NRXN1: variants seen among roughly 807,000 people sequenced by gnomAD.
NRXN1 encodes neurexin 1.
A neutral mutation model predicts 150.9 loss-of-function variants in NRXN1; 39 were observed. That is an observed-to-expected ratio of 0.26 (90% CI 0.20 to 0.34). The LOEUF (loss-of-function observed/expected upper bound fraction) is 0.34, where lower values mean the gene tolerates loss of function less well. Ranked by LOEUF, NRXN1 falls within the 10% of genes least tolerant of loss-of-function variation. The probability of loss-of-function intolerance (pLI) is 1.00; values close to 1 mark genes in which losing one functional copy is unlikely to be tolerated. For missense variants in NRXN1, 1,815 were observed against 1,949.9 expected (o/e 0.93, Z 1.30); for synonymous variants, 924 against 757.0 (o/e 1.22, Z -3.62).
intron 12 of NRXN1, among the ~76,000 whole-genome samples, chr2:50,510,807 C>T (rs565650204): frequency 1.9e-4 from 29 of 152,182 alleles, no homozygotes; most frequent in African/African-American, 6.5e-4. Context: ...AAATGATCTG[C>T]AAGTAGTGTA....
At position 50,793,983 on chromosome 2, in the gene NRXN1, T is replaced by C. The variant is rs193275648; in HGVS notation, c.832+127886A>G. Among the ~76,000 whole-genome samples, 5 of 152,128 alleles carry C rather than the reference T, an allele frequency of 3.3e-5. No individual in the cohort carries two copies. In the East Asian group the frequency reaches 9.7e-4, roughly 29 times the overall value. ...TGTAGACATTTTTGTTTGTTACAAG[T>C]GGAGTGGTGGTTGCTTTGGGTATCT... On this transcript the variant is annotated intron_variant, in intron 5 of 22. Coordinates refer to ENST00000401669, the MANE Select transcript of NRXN1 (RefSeq NM_001330078.2).
At chr2:50,455,790 T>C (rs984015112) in intron 17 of NRXN1, among the ~76,000 whole-genome samples, 6 of 152,280 alleles carry the variant, frequency 3.9e-5, no homozygotes, top group African/African-American at 1.2e-4. Flanking sequence ...ATTGGATTCC[T>C]TGAAGCTGGG....
At chr2:50,244,171 A>G (rs2066290145) in intron 17 of NRXN1, among the ~76,000 whole-genome samples, 1 of 151,944 alleles carries the variant, frequency 6.6e-6, no homozygotes, top group South Asian at 2.1e-4. Context: ...TTATAAAAAG[A>G]GTATGGTACA....
intron 21 of NRXN1, among the ~76,000 whole-genome samples, chr2:50,047,268 A>G (rs889348649): frequency 7.2e-5 from 11 of 151,974 alleles, no homozygotes; most frequent in African/African-American, 2.7e-4. Flanking sequence ...CTCCTTTTTG[A>G]GGAGGAATAA....
At chr2:51,027,416 A>G in intron 2 of NRXN1, 86 bp downstream of exon 2, 1 of 1,350,982 alleles carries the variant, frequency 7.4e-7, no homozygotes, top group Non-Finnish European at 9.6e-7. Context: ...TGCCAAGATT[A>G]GGAAGACCCC....
intron 21 of NRXN1, among the ~76,000 whole-genome samples, chr2:50,042,119 C>T (rs1691072178): frequency 6.6e-6 from 1 of 152,186 alleles, no homozygotes; most frequent in African/African-American, 2.4e-5. Flanking sequence ...TGTCTTTATA[C>T]TGCATAAGAA....
chr2:49,943,099 C>T (rs17039508), intron 22 of NRXN1, among the ~76,000 whole-genome samples: 30,808 of 151,982 alleles, frequency 0.2, 3,313 homozygotes, highest in East Asian at 0.3. Context: ...ACAGTATTTA[C>T]GTTAGTCACA....
chr2:50,310,093 G>T (rs1306340750), intron 17 of NRXN1, among the ~76,000 whole-genome samples: 1 of 152,212 alleles, frequency 6.6e-6, no homozygotes, highest in Non-Finnish European at 1.5e-5. Flanking sequence ...AGTCTCAGAA[G>T]CAGAGAAGAA....
At chr2:50,325,213 T>C (rs946663756) in intron 17 of NRXN1, among the ~76,000 whole-genome samples, 3 of 152,164 alleles carry the variant, frequency 2.0e-5, no homozygotes, top group Non-Finnish European at 2.9e-5. Context: ...TGTAGTCCAG[T>C]GACATAAATG....
At chr2:50,214,244 A>C (rs1398791551) in intron 18 of NRXN1, among the ~76,000 whole-genome samples, 2 of 151,968 alleles carry the variant, frequency 1.3e-5, no homozygotes, top group African/African-American at 4.8e-5. Flanking sequence ...GCCCTGTAGG[A>C]AGAACTAGCA....
chr2:50,541,045 A>T (rs1327952063), intron 9 of NRXN1, among the ~76,000 whole-genome samples: 2 of 152,204 alleles, frequency 1.3e-5, no homozygotes, highest in African/African-American at 4.8e-5. Flanking sequence ...AAAGCCGTAG[A>T]ATTTTTGAGG....
chr2:49,974,022 G>A, intron 21 of NRXN1: 3 of 717,428 alleles, frequency 4.2e-6, no homozygotes, highest in Non-Finnish European at 5.2e-6. Context: ...TACCCTGCGT[G>A]CTTAGAGCTT....
chr2:50,745,130 G>A (rs534688789), intron 5 of NRXN1, among the ~76,000 whole-genome samples: 1 of 151,986 alleles, frequency 6.6e-6, no homozygotes, highest in African/African-American at 2.4e-5. Context: ...AGGCAACCTT[G>A]GGCAAGCATT....
chr2:50,860,886 A>AT (rs1225710358), intron 5 of NRXN1, among the ~76,000 whole-genome samples: 1 of 152,100 alleles, frequency 6.6e-6, no homozygotes, highest in African/African-American at 2.4e-5. Context: ...ACTTATAAAG[A>AT]TTTTAAAAAG....
chr2:50,201,862 T>C (rs1559081590), intron 18 of NRXN1, among the ~76,000 whole-genome samples: 1 of 152,200 alleles, frequency 6.6e-6, no homozygotes, highest in South Asian at 2.1e-4. Flanking sequence ...CTTACAGAGC[T>C]AGCATCACAT....
intron 5 of NRXN1, among the ~76,000 whole-genome samples, chr2:50,694,959 A>T (rs1692603283): frequency 6.6e-6 from 1 of 152,144 alleles, no homozygotes; most frequent in African/African-American, 2.4e-5. Flanking sequence ...CCCTTATCTC[A>T]TAGCCAAATC....
In NRXN1 at chr2:50,217,849, GA is replaced by G. The variant is rs542924719; in HGVS notation, c.3546+18939del. Among the ~76,000 whole-genome samples, 16 of 152,050 alleles carry G rather than the reference GA, an allele frequency of 1.1e-4. No homozygotes were observed. The East Asian group carries it at 2.9e-3, about 28-fold the overall frequency. On this transcript the variant is annotated intron_variant, in intron 18 of 22. Coordinates refer to ENST00000401669, the MANE Select transcript of NRXN1 (RefSeq NM_001330078.2). ...TCTTTTCATCTAACTTATTGTTATT[GA>G]AAAACTAGATAAGATATTTCCCATT...
intron 19 of NRXN1, among the ~76,000 whole-genome samples, chr2:50,090,418 T>C: frequency 6.6e-6 from 1 of 152,270 alleles, no homozygotes; most frequent in Non-Finnish European, 1.5e-5. Context: ...TGTTATAAAT[T>C]GTGTGCTTTG....
At chr2:50,650,919 T>C (rs558323502) in intron 5 of NRXN1, among the ~76,000 whole-genome samples, 1 of 152,088 alleles carries the variant, frequency 6.6e-6, no homozygotes, top group Non-Finnish European at 1.5e-5. Flanking sequence ...ACAACTCATT[T>C]TAGCTAACAC....
Sources: allele counts gnomAD v4.1 joint callset (sites outside exome capture counted in the v4.1 genomes callset), GRCh38; gene constraint gnomAD v4.1.1; transcripts MANE v1.5; gene names NCBI Gene and HGNC (gene_info 2026-07-23, HGNC 2026-07-21).